Variants in BIRC6 observed in about 807,000 individuals in gnomAD.
The protein encoded by BIRC6 is baculoviral IAP repeat containing 6.
Under a neutral mutation model 503.3 loss-of-function variants are expected in BIRC6, and 98 were observed. That is an observed-to-expected ratio of 0.19 (90% CI 0.17 to 0.23). BIRC6 has a LOEUF of 0.23. Among genes scored for constraint, BIRC6 ranks in the 10% least tolerant of loss-of-function variants. The pLI is 1.00. For missense variants in BIRC6, 5,360 were observed against 5,806.0 expected (o/e 0.92, Z 2.50); for synonymous variants, 2,240 against 2,078.7 (o/e 1.08, Z -2.11).
intron 65 of BIRC6, among the ~76,000 whole-genome samples, chr2:32,551,572 A>AGGGT (rs2058428233): frequency 6.6e-6 from 1 of 152,196 alleles, no homozygotes; most frequent in South Asian, 2.1e-4. Context: ...CTGAGCCAAC[A>AGGGT]CACCCTGCCT....
chr2:32,555,503 T>G (rs891312251), intron 65 of BIRC6, among the ~76,000 whole-genome samples: 1 of 152,088 alleles, frequency 6.6e-6, no homozygotes, highest in Middle Eastern at 3.4e-3. Context: ...CCGGGTGTGG[T>G]GGCGCATGCC....
chr2:32,481,201 T>C, intron 37 of BIRC6, 119 bp from the exon 38 acceptor site: 1 of 842,388 alleles, frequency 1.2e-6, no homozygotes, highest in South Asian at 3.0e-5. Context: ...TACATAGAGT[T>C]TTTTTTTTTA....
chr2:32,463,094 G>A, intron 23 of BIRC6, 100 bp from the exon 24 acceptor site: 1 of 873,906 alleles, frequency 1.1e-6, no homozygotes, highest in Non-Finnish European at 1.7e-6. Context: ...TATAGTTTTA[G>A]CATCATAATA....
intron 15 of BIRC6, 98 bp from the exon 16 acceptor site, chr2:32,439,410 T>C: frequency 1.6e-6 from 2 of 1,214,968 alleles, no homozygotes; most frequent in South Asian, 1.6e-5. Flanking sequence ...TACTGTACTT[T>C]TTGTGGAGTT....
At chr2:32,511,454 C>T (rs867632545) in intron 53 of BIRC6, among the ~76,000 whole-genome samples, 1 of 144,422 alleles carries the variant, frequency 6.9e-6, no homozygotes, top group South Asian at 2.2e-4. Flanking sequence ...GGTCTACAGG[C>T]GACCACCACT....
chr2:32,606,594 A>G (rs758049087), intron 71 of BIRC6, among the ~76,000 whole-genome samples: 29 of 152,138 alleles, frequency 1.9e-4, no homozygotes, highest in Non-Finnish European at 2.6e-4. Context: ...CTCCATCTCA[A>G]AGAAATAAAT....
intron 3 of BIRC6, among the ~76,000 whole-genome samples, chr2:32,381,846 C>T (rs1424429833): frequency 6.6e-6 from 1 of 152,040 alleles, no homozygotes; most frequent in Non-Finnish European, 1.5e-5. Context: ...GCCTGGCCAC[C>T]TTGCTTTTTT....
intron 17 of BIRC6, among the ~76,000 whole-genome samples, chr2:32,441,788 G>A (rs1479693115): frequency 6.6e-6 from 1 of 152,012 alleles, no homozygotes; most frequent in Non-Finnish European, 1.5e-5. Context: ...AGGAGTTTGA[G>A]TCCAGCCTGG....
chr2:32,508,823 A>G (rs1047605597), intron 51 of BIRC6, among the ~76,000 whole-genome samples: 2 of 152,120 alleles, frequency 1.3e-5, no homozygotes, highest in South Asian at 2.1e-4. Flanking sequence ...AGTGGCTCAC[A>G]CCTGTAATCC....
chr2:32,613,570 G>A (rs1224824039), intron 73 of BIRC6, among the ~76,000 whole-genome samples: 2 of 151,744 alleles, frequency 1.3e-5, no homozygotes, highest in African/African-American at 2.4e-5. Flanking sequence ...TAGTAGAGAC[G>A]GGGTTTCACC....
At chr2:32,504,442 T>G (rs1025891150) in intron 49 of BIRC6, among the ~76,000 whole-genome samples, 2 of 151,176 alleles carry the variant, frequency 1.3e-5, no homozygotes, top group African/African-American at 2.4e-5. Context: ...CCGAGGCGGG[T>G]GGATCATGAG....
intron 1 of BIRC6, among the ~76,000 whole-genome samples, chr2:32,369,941 AAAAAATATATATATATATATATATATAT>A (rs1425068424): frequency 6.5e-5 from 3 of 46,042 alleles, no homozygotes; most frequent in African/African-American, 4.1e-4. Flanking sequence ...AAAAAAAAAA[AAAAAATATATATATATATATATATATAT>A]ATATATATAT....
intron 8 of BIRC6, among the ~76,000 whole-genome samples, chr2:32,406,013 A>G (rs2041167791): frequency 6.6e-6 from 1 of 152,114 alleles, no homozygotes; most frequent in Admixed American, 6.6e-5. Context: ...AGTGTTGTTA[A>G]TCAGTTATGA....
intron 22 of BIRC6, among the ~76,000 whole-genome samples, chr2:32,450,201 G>A (rs556630538): frequency 3.9e-5 from 6 of 152,110 alleles, no homozygotes; most frequent in Admixed American, 1.3e-4. Context: ...TATGTCGGCC[G>A]GGCACGGTGG....
chr2:32,591,067 A>G lies in BIRC6; in HGVS notation c.13356-2848A>G. 4.0e-6 allele frequency: 3 copies of G among 752,052 alleles called. No individual in the cohort carries two copies. In the South Asian group the frequency reaches 1.8e-4, roughly 45 times the overall value. The allele number at this position is 752,052 out of a possible 1,614,324, so 46.6% of individuals were successfully genotyped here. ...AAAAGAGACTACTGGCTATAGTTTA[A>G]TGTCAGACAATGACTAGTTAGAATC... On this transcript the variant is annotated intron_variant, in intron 66 of 73. Coordinates refer to ENST00000421745, the MANE Select transcript of BIRC6 (RefSeq NM_016252.4).
chr2:32,386,692 A>G (rs1360754911), intron 3 of BIRC6, among the ~76,000 whole-genome samples: 1 of 152,206 alleles, frequency 6.6e-6, no homozygotes, highest in Non-Finnish European at 1.5e-5. Flanking sequence ...CTCCATCCTC[A>G]GTCTCACAAA....
intron 67 of BIRC6, 109 bp downstream of exon 67, chr2:32,594,169 A>G (rs950435035): frequency 2.6e-5 from 32 of 1,254,568 alleles, no homozygotes; most frequent in Non-Finnish European, 3.1e-5. Context: ...TTTTAAAGCA[A>G]GTTCATTTAC....
Position 32,401,315 on chromosome 2 carries a change from G to A in BIRC6, c.1187G>A (p.Cys396Tyr), listed in dbSNP as rs1157137599. ...DRISCFGSGS[C>Y]PHFLAAATKR... The stretch of plus-strand genomic sequence containing the variant: ...ATATCTTGCTTTGGGTCGGGGAGCT[G>A]CCCTCATTTTCTAGCTGCTGCAACT... Residue 396 changes from cysteine to tyrosine, a missense_variant, in exon 7 of 74, where the codon TGC becomes TAC. Physicochemically the swap from Cys to Tyr is radical, Grantham distance 194. Around this residue, in one of 16 missense-constraint regions of BIRC6, gnomAD observed 92 missense variants for 176.7 expected, o/e 0.52. Transcript: ENST00000421745. 5 of 1,613,872 alleles carry A rather than the reference G, an allele frequency of 3.1e-6. No individual in the cohort carries two copies. Among genetic ancestry groups the A allele is most frequent in the Non-Finnish European group, 4.2e-6 (5 of 1,179,908 alleles).
chr2:32,518,725 GTATTT>G (rs2055330630), intron 56 of BIRC6, 87 bp from the exon 57 acceptor site: 3 of 1,370,388 alleles, frequency 2.2e-6, no homozygotes, highest in Non-Finnish European at 3.0e-6. Context: ...GATTTATTGA[GTATTT>G]TATTCTTAGA....
Sources: allele counts gnomAD v4.1 joint callset (sites outside exome capture counted in the v4.1 genomes callset), GRCh38; gene constraint gnomAD v4.1.1; regional missense constraint gnomAD v4.1.1; transcripts MANE v1.5; gene names NCBI Gene and HGNC (gene_info 2026-07-23, HGNC 2026-07-21).